SORCS1: variants seen among roughly 807,000 people sequenced by gnomAD.
The protein encoded by SORCS1 is VPS10 domain-containing receptor SorCS1.
SORCS1 carries 60 observed loss-of-function variants against 146.1 expected under a neutral mutation model. The ratio of observed to expected loss-of-function variants is 0.41; its 90% CI spans 0.33 to 0.51. SORCS1 has a LOEUF of 0.51. Ranked by LOEUF, SORCS1 falls within the 20% of genes least tolerant of loss-of-function variation. The pLI is 0.21. For missense variants in SORCS1, 1,352 were observed against 1,487.6 expected (o/e 0.91, Z 1.50); for synonymous variants, 637 against 584.0 (o/e 1.09, Z -1.31).
At chr10:107,007,106 C>T (rs1177871276) in intron 1 of SORCS1, among the ~76,000 whole-genome samples, 1 of 152,178 alleles carries the variant, frequency 6.6e-6, no homozygotes, top group Non-Finnish European at 1.5e-5. Context: ...TCTAAAACTT[C>T]CCCTGCAATC....
the SORCS1 span, among the ~76,000 whole-genome samples, chr10:107,178,302 C>T: frequency 2.6e-5 from 4 of 152,034 alleles, no homozygotes; most frequent in Non-Finnish European, 5.9e-5. Context: ...GTCACCCTTC[C>T]TAGCCTCTGA....
chr10:106,858,027 T>C (rs958817281), intron 2 of SORCS1, among the ~76,000 whole-genome samples: 1 of 152,216 alleles, frequency 6.6e-6, no homozygotes, highest in African/African-American at 2.4e-5. Context: ...AGCTTCCCTC[T>C]CTTTCCTGGA....
At chr10:106,735,160 A>AAT (rs1475472706) in intron 5 of SORCS1, among the ~76,000 whole-genome samples, 3 of 151,800 alleles carry the variant, frequency 2.0e-5, no homozygotes, top group Non-Finnish European at 4.4e-5. Context: ...AAAAAAAAAA[A>AAT]AATTCTTGAC....
chr10:107,092,883 G>GGA (rs1964291690), intron 1 of SORCS1, among the ~76,000 whole-genome samples: 1 of 61,514 alleles, frequency 1.6e-5, no homozygotes, highest in Non-Finnish European at 3.0e-5. Flanking sequence ...AGAAGACCAT[G>GGA]AAAAAAAAAA....
chr10:107,120,006 G>A (rs1210263210), intron 1 of SORCS1, among the ~76,000 whole-genome samples: 1 of 151,854 alleles, frequency 6.6e-6, no homozygotes, highest in East Asian at 1.9e-4. Flanking sequence ...ATTCCTATAT[G>A]TTTTAATATC....
At chr10:106,794,970 G>A (rs990840896) in intron 3 of SORCS1, among the ~76,000 whole-genome samples, 5 of 152,256 alleles carry the variant, frequency 3.3e-5, no homozygotes, top group East Asian at 1.9e-4. Flanking sequence ...TCACTCACAC[G>A]ACCTTAGGAA....
chr10:106,619,299 TA>T (rs1349253479), intron 20 of SORCS1, among the ~76,000 whole-genome samples: 1 of 152,218 alleles, frequency 6.6e-6, no homozygotes, highest in Non-Finnish European at 1.5e-5. Flanking sequence ...CAGGTGAAAT[TA>T]AAAAGGGTCT....
intron 3 of SORCS1, among the ~76,000 whole-genome samples, chr10:106,792,434 T>A (rs576743241): frequency 6.6e-6 from 1 of 152,250 alleles, no homozygotes; most frequent in Non-Finnish European, 1.5e-5. Context: ...CATGACGTTT[T>A]TCATTTAAGC....
chr10:107,124,672 A>G (rs1246278225), intron 1 of SORCS1, among the ~76,000 whole-genome samples: 8 of 152,182 alleles, frequency 5.3e-5, no homozygotes, highest in South Asian at 2.1e-4. Flanking sequence ...ATCTGAGTCT[A>G]TGAGTCAGTG....
chr10:106,580,914 C>T (rs1012212588), intron 24 of SORCS1, among the ~76,000 whole-genome samples: 1 of 151,032 alleles, frequency 6.6e-6, no homozygotes, highest in East Asian at 1.9e-4. Context: ...ATATAAGGAA[C>T]CCCCCCGCTA....
chr10:106,709,085 T>C, intron 7 of SORCS1, 138 bp downstream of exon 7: 1 of 623,006 alleles, frequency 1.6e-6, no homozygotes, highest in Non-Finnish European at 2.9e-6. Context: ...GATAGTGATT[T>C]TCCCCTCTCT....
chr10:106,649,839 C>A (rs1023354109), intron 18 of SORCS1, among the ~76,000 whole-genome samples: 2 of 152,076 alleles, frequency 1.3e-5, no homozygotes, highest in African/African-American at 2.4e-5. Context: ...GTATTTCCTG[C>A]TGTCCTTTCT....
intron 2 of SORCS1, among the ~76,000 whole-genome samples, chr10:106,948,357 T>G (rs1297614918): frequency 1.3e-5 from 2 of 152,148 alleles, no homozygotes; most frequent in African/African-American, 4.8e-5. Flanking sequence ...TTGTGATTTT[T>G]TTTAAAAAAA....
intron 24 of SORCS1, among the ~76,000 whole-genome samples, chr10:106,589,221 A>G (rs374357658): frequency 1.3e-5 from 2 of 152,198 alleles, no homozygotes; most frequent in East Asian, 1.9e-4. Flanking sequence ...GTTATTTGCT[A>G]TTTAGGAGGT....
intron 10 of SORCS1, among the ~76,000 whole-genome samples, chr10:106,687,277 C>T (rs1195011047): frequency 6.6e-6 from 1 of 152,156 alleles, no homozygotes; most frequent in East Asian, 1.9e-4. Flanking sequence ...TCCTTGAAAG[C>T]AAGATTCATC....
intron 2 of SORCS1, among the ~76,000 whole-genome samples, chr10:106,873,313 C>CAA (rs72466113): frequency 7.7e-5 from 10 of 129,950 alleles, no homozygotes; most frequent in Admixed American, 7.9e-5. Context: ...AACTCGGTCT[C>CAA]AAAAAAAAAA....
chr10:107,128,789 C>A (rs370196543), intron 1 of SORCS1, among the ~76,000 whole-genome samples: 1 of 152,130 alleles, frequency 6.6e-6, no homozygotes, highest in African/African-American at 2.4e-5. Context: ...TGATTAACAT[C>A]AATTCTTTGG....
chr10:106,883,619 T>C (rs950568310), intron 2 of SORCS1, among the ~76,000 whole-genome samples: 5 of 152,084 alleles, frequency 3.3e-5, no homozygotes, highest in Non-Finnish European at 7.4e-5. Flanking sequence ...TTCACCATGT[T>C]AGCCAGGATG....
In SORCS1 at chr10:106,880,016, A is replaced by G. The variant is rs866920422; in HGVS notation, c.627-50343T>C. ...ATTTATGGTAATTTGTTAGGAAGCA[A>G]TAGAAAGCTAATGTAGTTTCATGTG... On this transcript the variant is annotated intron_variant, in intron 2 of 25. Transcript: ENST00000263054. Among the ~76,000 whole-genome samples the G allele has an allele frequency of 2.0e-4, 31 of 152,354 alleles. 1 individual carries two copies. The Middle Eastern group carries it at 0.014, about 67-fold the overall frequency.
Sources: allele counts gnomAD v4.1 joint callset (sites outside exome capture counted in the v4.1 genomes callset), GRCh38; gene constraint gnomAD v4.1.1; transcripts MANE v1.5; gene names NCBI Gene and HGNC (gene_info 2026-07-23, HGNC 2026-07-21).